The following DMD variants were observed in gnomAD, a reference collection of about 807,000 sequenced individuals.
DMD encodes the protein dystrophin.
In DMD, 63 loss-of-function variants were observed where a neutral mutation model predicts 330.1. The observed-to-expected ratio is 0.19, with a 90% CI of 0.16 to 0.24. DMD has a LOEUF of 0.24. DMD is among the 10% of genes least tolerant of loss of function. DMD has a pLI of 1.00. For synonymous variants in DMD, 1,223 were observed against 959.8 expected (o/e 1.27, Z -5.07); for missense variants, 3,344 against 2,684.1 (o/e 1.25, Z -5.43).
At chrX:31,142,392 T>C (rs2036174192) in intron 76 of DMD, among the ~76,000 whole-genome samples, 1 of 111,989 alleles carries the variant, frequency 8.9e-6, no homozygotes, top group Admixed American at 9.5e-5. Flanking sequence ...ACATATACAG[T>C]ATATAAAAAT....
At chrX:31,433,694 G>T (rs151231352) in intron 60 of DMD, among the ~76,000 whole-genome samples, 1 of 110,695 alleles carries the variant, frequency 9.0e-6, no homozygotes, top group Admixed American at 9.6e-5. Flanking sequence ...CCTAACCTCA[G>T]GTGATCCACC....
chrX:31,840,299 T>C (rs2093290685), intron 48 of DMD, among the ~76,000 whole-genome samples: 1 of 111,652 alleles, frequency 9.0e-6, no homozygotes. Context: ...ATTCAATATA[T>C]TTATAAGCTA....
At chrX:31,956,583 G>C (rs1340221749) in intron 45 of DMD, among the ~76,000 whole-genome samples, 5 of 112,029 alleles carry the variant, frequency 4.5e-5, no homozygotes, top group African/African-American at 1.6e-4. Flanking sequence ...AATACGGAAA[G>C]TGTTCAGTTA....
At chrX:32,405,012 G>C (rs1217175401) in intron 30 of DMD, among the ~76,000 whole-genome samples, 1 of 111,635 alleles carries the variant, frequency 9.0e-6, no homozygotes. Flanking sequence ...TTGCCACTCT[G>C]ACTCCCTCCC....
chrX:32,501,653 G>C, intron 19 of DMD, 102 bp downstream of exon 19: 1 of 590,796 alleles, frequency 1.7e-6, no homozygotes, highest in Non-Finnish European at 2.8e-6. Flanking sequence ...ATTTAAATTT[G>C]TATTTAACAA....
intron 7 of DMD, among the ~76,000 whole-genome samples, chrX:32,734,724 C>T (rs929305561): frequency 9.1e-6 from 1 of 110,100 alleles, no homozygotes; most frequent in Non-Finnish European, 1.9e-5. Flanking sequence ...ACCCTTCATG[C>T]TAAAAACTCT....
intron 2 of DMD, among the ~76,000 whole-genome samples, chrX:32,918,796 C>T (rs931223893): frequency 8.9e-6 from 1 of 112,303 alleles, no homozygotes; most frequent in African/African-American, 3.2e-5. Context: ...CCTTGAAGTA[C>T]ACATAATTGG....
At chrX:32,262,268 T>A (rs954273352) in intron 43 of DMD, among the ~76,000 whole-genome samples, 2 of 112,080 alleles carry the variant, frequency 1.8e-5, no homozygotes, top group African/African-American at 6.5e-5. Flanking sequence ...GGTACATACT[T>A]CATGATTCTA....
chrX:32,499,392 C>T (rs748576316), intron 19 of DMD, among the ~76,000 whole-genome samples: 35 of 110,890 alleles, frequency 3.2e-4, no homozygotes, highest in East Asian at 5.6e-4. Context: ...TAAATATATA[C>T]GCACATATTT....
At chrX:31,498,440 C>T (rs2070087322) in intron 56 of DMD, among the ~76,000 whole-genome samples, 2 of 112,012 alleles carry the variant, frequency 1.8e-5, no homozygotes, top group East Asian at 5.6e-4. Context: ...TGCATTCATA[C>T]AGTAAAATCC....
At chrX:31,259,767 T>C (rs944256544) in intron 63 of DMD, among the ~76,000 whole-genome samples, 1 of 111,446 alleles carries the variant, frequency 9.0e-6, no homozygotes, top group Non-Finnish European at 1.9e-5. Context: ...TTGGTGTCTC[T>C]ATAGCTGCAA....
At chrX:33,135,327 A>G (rs1043446503) in intron 1 of DMD, among the ~76,000 whole-genome samples, 2 of 112,083 alleles carry the variant, frequency 1.8e-5, no homozygotes, top group Non-Finnish European at 3.8e-5. Flanking sequence ...ATTGATATAT[A>G]CCCCACTAAC....
chrX:33,118,891 C>T (rs1442417707), intron 1 of DMD, among the ~76,000 whole-genome samples: 1 of 111,922 alleles, frequency 8.9e-6, no homozygotes, highest in East Asian at 2.8e-4. Context: ...ACTTTTTGGC[C>T]TTTCTCAGCA....
At chrX:31,131,757 C>G (rs754408411) in intron 77 of DMD, among the ~76,000 whole-genome samples, 1 of 111,461 alleles carries the variant, frequency 9.0e-6, no homozygotes, top group African/African-American at 3.3e-5. Context: ...AACAAAAGTG[C>G]TTTTAGTTGG....
chrX:31,625,779 T>C (rs1435573141), intron 55 of DMD, among the ~76,000 whole-genome samples: 2 of 111,411 alleles, frequency 1.8e-5, no homozygotes, highest in African/African-American at 6.5e-5. Flanking sequence ...ACAAATTGTA[T>C]AGTAGAAAAT....
intron 55 of DMD, among the ~76,000 whole-genome samples, chrX:31,511,003 C>T (rs1482570285): frequency 1.8e-5 from 2 of 111,541 alleles, no homozygotes; most frequent in Non-Finnish European, 3.8e-5. Flanking sequence ...AATGACTTGA[C>T]ACATCAGCAT....
chrX:31,632,787 G>A (rs927832216), intron 54 of DMD, among the ~76,000 whole-genome samples: 29 of 111,965 alleles, frequency 2.6e-4, no homozygotes, highest in African/African-American at 8.7e-4. Flanking sequence ...TAGTTTGCTA[G>A]TAAATTGCAT....
intron 62 of DMD, among the ~76,000 whole-genome samples, chrX:31,276,213 C>T (rs749640955): frequency 3.6e-5 from 4 of 111,289 alleles, no homozygotes; most frequent in African/African-American, 9.8e-5. Context: ...CCTGCCACCA[C>T]GCCCGGCTAA....
At chrX:32,609,471 G>A (rs1164250191) in intron 12 of DMD, among the ~76,000 whole-genome samples, 3 of 110,799 alleles carry the variant, frequency 2.7e-5, no homozygotes, top group Admixed American at 9.6e-5. Context: ...ACAAGACATC[G>A]TAAATGATTG....
Sources: allele counts gnomAD v4.1 joint callset (sites outside exome capture counted in the v4.1 genomes callset), GRCh38; gene constraint gnomAD v4.1.1; transcripts MANE v1.5; gene names NCBI Gene and HGNC (gene_info 2026-07-23, HGNC 2026-07-21).